NALF1: variants seen among roughly 807,000 people sequenced by gnomAD.
NALF1 encodes family with sequence similarity 155 member A.
In NALF1, 3 loss-of-function variants were observed where a neutral mutation model predicts 48.4. The observed-to-expected ratio is 0.06, with a 90% confidence interval of 0.03 to 0.16. The LOEUF is 0.16. NALF1 is among the 10% of genes least tolerant of loss of function. The pLI is 1.00. For missense variants in NALF1, 526 were observed against 571.5 expected, an observed-to-expected ratio of 0.92 and a Z score of 0.81; for synonymous variants, 262 against 245.7, an observed-to-expected ratio of 1.07 and a Z score of -0.62.
intron 1 of NALF1, among the ~76,000 whole-genome samples, chr13:107,357,769 C>T (rs1348325764): frequency 6.6e-6 from 1 of 152,130 alleles, no homozygotes; most frequent in Non-Finnish European, 1.5e-5. Flanking sequence ...GCAAATATTT[C>T]CATAAATTCC....
intron 1 of NALF1, among the ~76,000 whole-genome samples, chr13:107,715,945 A>T (rs1235696726): frequency 6.6e-6 from 1 of 152,164 alleles, no homozygotes; most frequent in East Asian, 1.9e-4. Flanking sequence ...GAGGAGTAAA[A>T]TGGAGCAGTT....
At chr13:107,460,343 T>A (rs1246678854) in intron 1 of NALF1, among the ~76,000 whole-genome samples, 1 of 152,220 alleles carries the variant, frequency 6.6e-6, no homozygotes, top group African/African-American at 2.4e-5. Flanking sequence ...ACGAGGGTTA[T>A]CTACTCTTTA....
chr13:107,655,828 C>G (rs1344940555), intron 1 of NALF1, among the ~76,000 whole-genome samples: 1 of 152,050 alleles, frequency 6.6e-6, no homozygotes, highest in Non-Finnish European at 1.5e-5. Flanking sequence ...ACTAATGGAA[C>G]AGAATAGAGA....
intron 1 of NALF1, among the ~76,000 whole-genome samples, chr13:107,562,541 CATTTT>C (rs561539111): frequency 7.7e-4 from 117 of 152,246 alleles, no homozygotes; most frequent in African/African-American, 2.7e-3. Flanking sequence ...CAAACGTTTC[CATTTT>C]ATTTTGCTCT....
intron 2 of NALF1, among the ~76,000 whole-genome samples, chr13:107,185,483 G>T (rs992368132): frequency 7.0e-6 from 1 of 143,084 alleles, no homozygotes; most frequent in East Asian, 2.2e-4. Context: ...CTAGTGTTCT[G>T]GGTTATCCTA....
intron 1 of NALF1, among the ~76,000 whole-genome samples, chr13:107,597,820 C>A (rs1314774975): frequency 6.6e-6 from 1 of 152,056 alleles, no homozygotes; most frequent in African/African-American, 2.4e-5. Context: ...TACAATTTAT[C>A]CACAACATTA....
At chr13:107,784,856 A>G (rs1007697958) in intron 1 of NALF1, among the ~76,000 whole-genome samples, 1 of 152,146 alleles carries the variant, frequency 6.6e-6, no homozygotes, top group East Asian at 1.9e-4. Flanking sequence ...TCCTTAAAGA[A>G]CTAAAAGTAG....
chr13:107,363,038 A>G (rs999204410), intron 1 of NALF1, among the ~76,000 whole-genome samples: 1 of 152,186 alleles, frequency 6.6e-6, no homozygotes, highest in Non-Finnish European at 1.5e-5. Context: ...GAACACATAA[A>G]CAATGCCTGA....
intron 1 of NALF1, among the ~76,000 whole-genome samples, chr13:107,501,230 G>A (rs548360960): frequency 1.3e-5 from 2 of 152,076 alleles, no homozygotes; most frequent in South Asian, 2.1e-4. Context: ...GCCTTTAATC[G>A]GGACATTAAT....
chr13:107,662,725 A>G (rs1458603603), intron 1 of NALF1, among the ~76,000 whole-genome samples: 1 of 152,188 alleles, frequency 6.6e-6, no homozygotes, highest in African/African-American at 2.4e-5. Flanking sequence ...ACAGTAAAGA[A>G]ATTTTTAAAA....
intron 1 of NALF1, among the ~76,000 whole-genome samples, chr13:107,756,455 A>AT (rs1566470097): frequency 3.4e-4 from 52 of 150,900 alleles, no homozygotes; most frequent in African/African-American, 1.2e-3. Flanking sequence ...ATATATATAT[A>AT]AAGCATAAAT....
intron 1 of NALF1, among the ~76,000 whole-genome samples, chr13:107,761,104 T>C (rs1334938631): frequency 1.3e-5 from 2 of 152,068 alleles, no homozygotes; most frequent in African/African-American, 4.8e-5. Flanking sequence ...ACACTTGTAA[T>C]CCCAGTACTT....
At chr13:107,782,393 C>T (rs1466732663) in intron 1 of NALF1, among the ~76,000 whole-genome samples, 2 of 152,120 alleles carry the variant, frequency 1.3e-5, no homozygotes, top group Admixed American at 6.5e-5. Context: ...GGCGTGATCT[C>T]GGCTCGCTAC....
chr13:107,673,955 G>A (rs556364269), intron 1 of NALF1, among the ~76,000 whole-genome samples: 94 of 152,200 alleles, frequency 6.2e-4, no homozygotes, highest in Admixed American at 1.0e-3. Flanking sequence ...CACACCAAGG[G>A]CCGGCTCCAC....
intron 1 of NALF1, among the ~76,000 whole-genome samples, chr13:107,544,761 C>T (rs1266563863): frequency 2.0e-5 from 3 of 152,072 alleles, no homozygotes; most frequent in Non-Finnish European, 2.9e-5. Context: ...TCATCCCTGC[C>T]TTGAAGGAGA....
intron 1 of NALF1, among the ~76,000 whole-genome samples, chr13:107,452,497 C>T (rs1275148340): frequency 6.6e-6 from 1 of 152,136 alleles, no homozygotes; most frequent in Non-Finnish European, 1.5e-5. Context: ...CACTCACTAT[C>T]ATGAGAACAG....
intron 1 of NALF1, among the ~76,000 whole-genome samples, chr13:107,706,490 C>A (rs903777249): frequency 2.6e-5 from 4 of 152,218 alleles, no homozygotes; most frequent in Admixed American, 2.6e-4. Context: ...ATTTTCTTAT[C>A]ATATTTATTT....
chr13:107,433,788 T>C (rs944419401), intron 1 of NALF1, among the ~76,000 whole-genome samples: 1 of 152,124 alleles, frequency 6.6e-6, no homozygotes, highest in African/African-American at 2.4e-5. Flanking sequence ...CATTTTTCAC[T>C]TAGCTTACAA....
At chr13:107,207,314 CAG>C (rs1417961689) in intron 2 of NALF1, among the ~76,000 whole-genome samples, 1 of 152,012 alleles carries the variant, frequency 6.6e-6, no homozygotes, top group Non-Finnish European at 1.5e-5. Flanking sequence ...AGAAAAAAAA[CAG>C]AATGTAAATG....
Sources: gnomAD v4.1 joint callset for allele counts (sites outside exome capture counted in the v4.1 genomes callset) on GRCh38, gnomAD v4.1.1 for gene constraint, MANE v1.5 for transcripts, NCBI Gene and HGNC (gene_info 2026-07-23, HGNC 2026-07-21) for gene names.